SKAP1: variants seen among roughly 807,000 people sequenced by gnomAD.
The protein encoded by SKAP1 is src kinase associated phosphoprotein 1.
SKAP1 carries 44 observed loss-of-function variants against 58.5 expected under a neutral mutation model. The observed-to-expected ratio is 0.75, with a 90% CI of 0.59 to 0.97. The LOEUF (loss-of-function observed/expected upper bound fraction) is 0.97. Among genes scored for constraint, SKAP1 ranks in the 50% least tolerant of loss-of-function variants. The pLI is 0.00. For synonymous variants in SKAP1, 127 were observed against 149.7 expected, an observed-to-expected ratio of 0.85 and a Z score of 1.11; for missense variants, 390 against 435.2, an observed-to-expected ratio of 0.90 and a Z score of 0.92.
At chr17:48,360,087 A>G (rs774206705) in intron 3 of SKAP1, among the ~76,000 whole-genome samples, 1 of 152,174 alleles carries the variant, frequency 6.6e-6, no homozygotes, top group Non-Finnish European at 1.5e-5. Flanking sequence ...TTGGCAAGAG[A>G]TTCCACTGGC....
At chr17:48,292,947 C>T (rs17695179) in intron 4 of SKAP1, among the ~76,000 whole-genome samples, 12,432 of 152,152 alleles carry the variant, frequency 0.082, 649 homozygotes, top group East Asian at 0.2. Context: ...CTAGAACAAT[C>T]TCTTGTGGAT....
intron 5 of SKAP1, 47 bp from the exon 6 acceptor site, chr17:48,187,973 A>G: frequency 7.3e-7 from 1 of 1,367,736 alleles, no homozygotes; most frequent in Admixed American, 1.7e-5. Flanking sequence ...AACTACCATC[A>G]TTGAAGAGTC....
chr17:48,228,969 G>GT (rs1305790654), intron 4 of SKAP1, among the ~76,000 whole-genome samples: 1 of 152,174 alleles, frequency 6.6e-6, no homozygotes, highest in African/African-American at 2.4e-5. Context: ...AGACACCACA[G>GT]TTTAACATCT....
chr17:48,229,745 G>A (rs1208234919), intron 4 of SKAP1, among the ~76,000 whole-genome samples: 1 of 152,086 alleles, frequency 6.6e-6, no homozygotes, highest in African/African-American at 2.4e-5. Flanking sequence ...TTTGGCTGGT[G>A]CTAAACACCA....
chr17:48,267,181 T>G (rs2065562683), intron 4 of SKAP1, among the ~76,000 whole-genome samples: 2 of 152,222 alleles, frequency 1.3e-5, no homozygotes, highest in South Asian at 4.1e-4. Context: ...TTTTGAATTA[T>G]GAACACTAGT....
At chr17:48,443,388 C>G in the SKAP1 span, among the ~76,000 whole-genome samples, 1 of 152,178 alleles carries the variant, frequency 6.6e-6, no homozygotes, top group African/African-American at 2.4e-5. Flanking sequence ...TAATGTATTC[C>G]CAGCAACTGC....
chr17:48,299,879 TGGAA>T (rs1312178343), intron 4 of SKAP1, among the ~76,000 whole-genome samples: 1 of 151,864 alleles, frequency 6.6e-6, no homozygotes, highest in Non-Finnish European at 1.5e-5. Context: ...GCACTCCAGG[TGGAA>T]GGCACAGGGC....
chr17:48,370,239 C>A (rs1298706811), intron 2 of SKAP1, among the ~76,000 whole-genome samples: 1 of 152,156 alleles, frequency 6.6e-6, no homozygotes, highest in East Asian at 1.9e-4. Flanking sequence ...TATTAAAATG[C>A]TCAACATTAC....
chr17:48,190,848 G>T (rs2064533240), intron 4 of SKAP1, among the ~76,000 whole-genome samples: 1 of 152,080 alleles, frequency 6.6e-6, no homozygotes, highest in South Asian at 2.1e-4. Flanking sequence ...AGCCGGGCAT[G>T]GTGGCACACA....
intron 1 of SKAP1, among the ~76,000 whole-genome samples, chr17:48,424,221 C>CTTTTTTTT (rs71366876): frequency 9.4e-6 from 1 of 106,676 alleles, no homozygotes; most frequent in African/African-American, 3.7e-5. Context: ...TCTGGGACCT[C>CTTTTTTTT]TTTTTTTTTT....
chr17:48,371,963 T>C (rs2067093341), intron 2 of SKAP1, among the ~76,000 whole-genome samples: 1 of 152,146 alleles, frequency 6.6e-6, no homozygotes, highest in African/African-American at 2.4e-5. Context: ...CACATATACA[T>C]ATGCATATAC....
chr17:48,264,652 A>G (rs1300031204), intron 4 of SKAP1, among the ~76,000 whole-genome samples: 4 of 152,000 alleles, frequency 2.6e-5, no homozygotes, highest in Non-Finnish European at 5.9e-5. Context: ...TAGAAAAGGA[A>G]ATTTAGGTAG....
intron 4 of SKAP1, among the ~76,000 whole-genome samples, chr17:48,279,041 C>T (rs1451813576): frequency 7.2e-5 from 11 of 152,090 alleles, no homozygotes; most frequent in Admixed American, 4.6e-4. Flanking sequence ...TATTGCAAGC[C>T]GAGTTATACT....
chr17:48,162,196 G>A (rs1247620870), intron 11 of SKAP1, among the ~76,000 whole-genome samples: 2 of 152,172 alleles, frequency 1.3e-5, no homozygotes, highest in African/African-American at 4.8e-5. Flanking sequence ...GAACTCCTGA[G>A]CTGAGGCAGT....
intron 4 of SKAP1, among the ~76,000 whole-genome samples, chr17:48,316,659 G>A (rs1010244942): frequency 4.6e-5 from 7 of 152,110 alleles, no homozygotes; most frequent in East Asian, 1.9e-4. Flanking sequence ...GTCTAAGGTC[G>A]TGCACATAGT....
intron 1 of SKAP1, among the ~76,000 whole-genome samples, chr17:48,401,757 A>G (rs1220349097): frequency 1.3e-5 from 2 of 152,196 alleles, no homozygotes; most frequent in East Asian, 3.8e-4. Flanking sequence ...GCAACCAAAT[A>G]CAAAAATAGA....
intron 6 of SKAP1, among the ~76,000 whole-genome samples, chr17:48,185,674 T>C (rs1405375798): frequency 6.6e-6 from 1 of 152,034 alleles, no homozygotes; most frequent in Admixed American, 6.6e-5. Context: ...TGCCTTTTGA[T>C]GATGATAATG....
At chr17:48,205,847 G>C (rs926523542) in intron 4 of SKAP1, among the ~76,000 whole-genome samples, 2 of 152,124 alleles carry the variant, frequency 1.3e-5, no homozygotes, top group Non-Finnish European at 2.9e-5. Context: ...GAGGTTTTCA[G>C]ACATTCAAAG....
upstream of SKAP1, among the ~76,000 whole-genome samples, chr17:48,434,642 T>G (rs2067931899): frequency 6.6e-6 from 1 of 152,098 alleles, no homozygotes; most frequent in Non-Finnish European, 1.5e-5. Flanking sequence ...AGGGACTATA[T>G]AAAAACTCAA....
Sources: gnomAD v4.1 joint callset for allele counts (sites outside exome capture counted in the v4.1 genomes callset) on GRCh38, gnomAD v4.1.1 for gene constraint, MANE v1.5 for transcripts, NCBI Gene and HGNC (gene_info 2026-07-23, HGNC 2026-07-21) for gene names.